The following GNAO1 variants were observed in gnomAD, a reference collection of about 807,000 sequenced individuals.
GNAO1 encodes the protein G protein subunit alpha o1.
For synonymous variants in GNAO1, 164 were observed against 180.7 expected, an observed-to-expected ratio of 0.91 and a Z score of 0.74; for missense variants, 166 against 478.7, an observed-to-expected ratio of 0.35 and a Z score of 6.10.
At chr16:56,334,225 T>C (rs1194523847) in intron 4 of GNAO1, among the ~76,000 whole-genome samples, 1 of 152,200 alleles carries the variant, frequency 6.6e-6, no homozygotes, top group Non-Finnish European at 1.5e-5. Flanking sequence ...AGGGAACTGC[T>C]CAGGGGCCGC....
chr16:56,225,329 AG>A (rs1440985822), intron 2 of GNAO1, among the ~76,000 whole-genome samples: 2 of 152,226 alleles, frequency 1.3e-5, no homozygotes. Flanking sequence ...GTGCCTGGAA[AG>A]GGGAGCTAAT....
intron 6 of GNAO1, chr16:56,346,140 CCCTAG>C (rs2037865970): frequency 6.1e-6 from 6 of 985,574 alleles, no homozygotes; most frequent in Middle Eastern, 1.0e-3. Context: ...AATCCTCCCA[CCCTAG>C]CCTGGGGGTG....
chr16:56,259,220 T>C (rs1454766409), intron 2 of GNAO1, among the ~76,000 whole-genome samples: 1 of 152,200 alleles, frequency 6.6e-6, no homozygotes, highest in Non-Finnish European at 1.5e-5. Context: ...ACCAAATGCA[T>C]CTTCAGCCTC....
intron 3 of GNAO1, among the ~76,000 whole-genome samples, chr16:56,322,283 C>T (rs1310071650): frequency 1.3e-5 from 2 of 152,176 alleles, no homozygotes. Context: ...TGTGTTTTGT[C>T]ACATCTCATA....
intron 2 of GNAO1, among the ~76,000 whole-genome samples, chr16:56,268,341 A>G (rs1258285474): frequency 1.3e-5 from 2 of 152,222 alleles, no homozygotes; most frequent in Non-Finnish European, 2.9e-5. Flanking sequence ...ATTTCTTGGC[A>G]CTAGCCTTAT....
chr16:56,213,305 C>T (rs953539102), intron 2 of GNAO1: 42 of 398,318 alleles, frequency 1.1e-4, no homozygotes, highest in Non-Finnish European at 4.9e-5. Context: ...TACCGAGCAC[C>T]ATCTTAAGTG....
At chr16:56,238,458 C>T (rs2036662078) in intron 2 of GNAO1, among the ~76,000 whole-genome samples, 2 of 152,258 alleles carry the variant, frequency 1.3e-5, no homozygotes, top group Non-Finnish European at 2.9e-5. Flanking sequence ...ATGACCACAG[C>T]ACCACAGTCA....
chr16:56,350,111 G>C lies in GNAO1; in HGVS notation c.724-1273G>C, dbSNP rs563445362. On this transcript the variant is annotated intron_variant, in intron 6 of 8. Coordinates refer to ENST00000262493, the MANE Select transcript of GNAO1 (RefSeq NM_020988.3). ...TTCATTGCCCTCCTTCTGCTCAGAG[G>C]GGGGCGGTGTGGCAGTGGGACCAGC... Among the ~76,000 whole-genome samples, 34 of 152,258 alleles carry C rather than the reference G, an allele frequency of 2.2e-4. No individual in the cohort carries two copies. The South Asian group carries it at 6.2e-3, about 28-fold the overall frequency.
chr16:56,226,420 G>A (rs1485641411), intron 2 of GNAO1: 1 of 152,194 alleles, frequency 6.6e-6, no homozygotes, highest in Non-Finnish European at 1.5e-5. Flanking sequence ...CATCTGGCCA[G>A]TGAGTGATGC....
chr16:56,278,121 C>T (rs1362744574), intron 3 of GNAO1, among the ~76,000 whole-genome samples: 2 of 152,166 alleles, frequency 1.3e-5, no homozygotes, highest in Non-Finnish European at 2.9e-5. Context: ...ATTTCTCCTC[C>T]ATGGAATTTC....
intron 2 of GNAO1, among the ~76,000 whole-genome samples, chr16:56,229,585 C>T (rs2036568541): frequency 6.6e-6 from 1 of 151,920 alleles, no homozygotes; most frequent in East Asian, 1.9e-4. Context: ...TGCTGACAAC[C>T]AGGCACTGTT....
chr16:56,310,455 G>A (rs1439560882), intron 3 of GNAO1, among the ~76,000 whole-genome samples: 4 of 152,312 alleles, frequency 2.6e-5, no homozygotes, highest in East Asian at 1.9e-4. Context: ...AAAATTATGC[G>A]AGTAACTGAG....
intron 3 of GNAO1, among the ~76,000 whole-genome samples, chr16:56,291,039 T>C (rs962455772): frequency 6.6e-6 from 1 of 152,226 alleles, no homozygotes; most frequent in African/African-American, 2.4e-5. Flanking sequence ...TGAGGTTGTT[T>C]CCACCTTTTG....
intron 2 of GNAO1, among the ~76,000 whole-genome samples, chr16:56,243,016 G>T (rs144147640): frequency 4.2e-4 from 64 of 152,078 alleles, no homozygotes; most frequent in African/African-American, 1.4e-3. Flanking sequence ...ATAGGAATGG[G>T]AACGCTGTTG....
intron 3 of GNAO1, among the ~76,000 whole-genome samples, chr16:56,316,415 C>T (rs866616914): frequency 6.6e-6 from 1 of 152,192 alleles, no homozygotes; most frequent in Non-Finnish European, 1.5e-5. Context: ...TGTGCTTGAG[C>T]CCCTGAGCCA....
At chr16:56,221,321 C>G (rs542099345) in intron 2 of GNAO1, among the ~76,000 whole-genome samples, 3 of 152,094 alleles carry the variant, frequency 2.0e-5, no homozygotes, top group Admixed American at 6.5e-5. Context: ...GGGGACCCAC[C>G]ACACCCTGCC....
At chr16:56,292,993 C>T (rs938955777) in intron 3 of GNAO1, among the ~76,000 whole-genome samples, 11 of 152,276 alleles carry the variant, frequency 7.2e-5, no homozygotes, top group Non-Finnish European at 1.2e-4. Flanking sequence ...CACGTAGGCC[C>T]GAGCCAACTC....
In GNAO1 at chr16:56,192,159, TG is replaced by T. The variant is rs1325657277; in HGVS notation, c.-70del. 4.4e-5 allele frequency: 35 copies of T among 799,804 alleles called. No homozygotes were observed. Among genetic ancestry groups the T allele is most frequent in the Non-Finnish European group, 6.6e-5 (31 of 470,492 alleles). 49.5% of individuals were successfully genotyped at this position (799,804 alleles called of 1,614,324 possible). A position where few individuals can be genotyped will look rare whatever the true frequency, so the allele number is the denominator to read the frequency against. ...CCCCTTGAGCCCAGGCTCTGCTCTC[TG>T]GGGGGGTGGGGGGCGCTCCAAGCCG... is the stretch of plus-strand genomic sequence containing the variant. On this transcript the variant is annotated 5_prime_UTR_variant, in exon 1 of 9. Transcript: ENST00000262493.
intron 6 of GNAO1, chr16:56,343,998 C>T: frequency 6.3e-7 from 1 of 1,599,378 alleles, no homozygotes; most frequent in Non-Finnish European, 8.5e-7. Flanking sequence ...CCTGCCGCCC[C>T]CCCTCCCCTG....
Sources: gnomAD v4.1 joint callset for allele counts (sites outside exome capture counted in the v4.1 genomes callset) on GRCh38, gnomAD v4.1.1 for gene constraint, MANE v1.5 for transcripts, NCBI Gene and HGNC (gene_info 2026-07-23, HGNC 2026-07-21) for gene names.